The following CHD5 variants were observed in gnomAD, a reference collection of about 807,000 sequenced individuals.
CHD5 encodes chromodomain helicase DNA binding protein 5.
Under a neutral mutation model 230.3 loss-of-function variants are expected in CHD5, and 69 were observed. The ratio of observed to expected loss-of-function variants is 0.30; its 90% confidence interval spans 0.25 to 0.37. The LOEUF is 0.37. Among genes scored for constraint, CHD5 ranks in the 10% least tolerant of loss-of-function variants. The probability of loss-of-function intolerance (pLI) is 1.00; values close to 1 mark genes in which losing one functional copy is unlikely to be tolerated. For missense variants in CHD5, 1,827 were observed against 2,622.8 expected (o/e 0.70, Z 6.63); for synonymous variants, 1,064 against 1,065.9 (o/e 1.00, Z 0.03).
intron 2 of CHD5, among the ~76,000 whole-genome samples, chr1:6,166,669 C>G (rs1286600125): frequency 6.6e-6 from 1 of 152,022 alleles, no homozygotes; most frequent in Non-Finnish European, 1.5e-5. Context: ...AGGTAGAGTT[C>G]AGAGCCCCCC....
chr1:6,112,009 G>A (rs1038925317), intron 35 of CHD5, 126 bp from the exon 36 acceptor site: 3 of 1,376,580 alleles, frequency 2.2e-6, no homozygotes, highest in African/African-American at 2.8e-5. Context: ...GTTCCAGGGT[G>A]GCTAAGAAAG....
At position 6,109,913 on chromosome 1, in the gene CHD5, G is replaced by C; in HGVS notation, c.5460C>G (p.His1820Gln). The C allele has an allele frequency of 1.2e-6, 2 of 1,610,322 alleles. No individual in the cohort carries two copies. Among genetic ancestry groups the C allele is most frequent in the Non-Finnish European group, 1.7e-6 (2 of 1,178,466 alleles). Residue 1820 changes from histidine to glutamine, a missense_variant, in exon 38 of 42, where the codon CAC becomes CAG. His to Gln is a conservative substitution (Grantham distance 24). Around this residue, in one of 14 missense-constraint regions of CHD5, gnomAD observed 208 missense variants for 302.0 expected, o/e 0.69. Coordinates refer to ENST00000262450, the MANE Select transcript of CHD5 (RefSeq NM_015557.3). Reference sequence around the variant, plus strand: ...GGCGGGCGTTGAGGGCCATGGCGGGGTGGTTGGGGTCCTGCGTCATGTTCA... The same window carrying C: ...GGCGGGCGTTGAGGGCCATGGCGGGCTGGTTGGGGTCCTGCGTCATGTTCA... The part of the protein sequence containing the change: ...AYLNMTQDPN[H>Q]PAMALNARLA...
chr1:6,125,796 C>T lies in CHD5; in HGVS notation c.4141G>A (p.Glu1381Lys). The change falls in exon 27 of 42, where the codon GAG becomes AAG. Residue 1381 changes from glutamate (E) to lysine (K), a missense_variant. Glu to Lys is a moderately conservative substitution (Grantham distance 56, BLOSUM62 1). This residue lies in a region of CHD5 where 137 missense variants were observed against 272.7 expected (regional missense o/e 0.50). Coordinates refer to ENST00000262450, the MANE Select transcript of CHD5 (RefSeq NM_015557.3). The surrounding 1 kb of genome is among the most constrained non-coding windows in gnomAD (Gnocchi z 6.7). Reference sequence around the variant, plus strand: ...CCTTCCGGCCTCTCTTCAAAGTCCTCATCCTCATCCTCAGAGCCAATGGAA... The same window carrying T: ...CCTTCCGGCCTCTCTTCAAAGTCCTTATCCTCATCCTCAGAGCCAATGGAA... ...EYSIGSEDED[E>K]DFEERPEGQS... is the part of the protein sequence containing the mutation. 6.2e-7 allele frequency: 1 copy of T among 1,613,702 alleles called. No homozygotes were observed.
chr1:6,178,194 A>G (rs1005090572), intron 1 of CHD5, among the ~76,000 whole-genome samples: 1 of 151,942 alleles, frequency 6.6e-6, no homozygotes, highest in African/African-American at 2.4e-5. Flanking sequence ...CAACCCACCG[A>G]GGGGGAGCAC....
intron 2 of CHD5, among the ~76,000 whole-genome samples, chr1:6,166,297 G>A (rs1667253808): frequency 6.6e-6 from 1 of 151,468 alleles, no homozygotes; most frequent in Admixed American, 6.6e-5. Flanking sequence ...GGCTTGGAGT[G>A]GCAGCAGTGG....
intron 17 of CHD5, 48 bp downstream of exon 17, chr1:6,136,469 G>A (rs778722036): frequency 1.9e-6 from 3 of 1,604,350 alleles, no homozygotes; most frequent in South Asian, 1.1e-5. Context: ...CTTCACTGGG[G>A]CCACCCAGCC....
intron 11 of CHD5, among the ~76,000 whole-genome samples, chr1:6,145,219 A>G (rs1201602418): frequency 6.6e-6 from 1 of 152,218 alleles, no homozygotes; most frequent in African/African-American, 2.4e-5. Flanking sequence ...TCACCCGTGC[A>G]GCAGCCTGTT....
At chr1:6,148,495 T>C (rs949568143) in intron 9 of CHD5, among the ~76,000 whole-genome samples, 1 of 152,200 alleles carries the variant, frequency 6.6e-6, no homozygotes, top group Non-Finnish European at 1.5e-5. Context: ...GGGAGTAACA[T>C]GCCTGGTGCC....
intron 38 of CHD5, among the ~76,000 whole-genome samples, chr1:6,109,215 G>A (rs1301944602): frequency 6.6e-6 from 1 of 152,104 alleles, no homozygotes; most frequent in Non-Finnish European, 1.5e-5. Flanking sequence ...GCAGCCCCAG[G>A]CCCTACTGGG....
intron 1 of CHD5, among the ~76,000 whole-genome samples, chr1:6,177,833 G>A (rs952284203): frequency 1.3e-5 from 2 of 152,188 alleles, no homozygotes; most frequent in Non-Finnish European, 2.9e-5. Context: ...GAAGCAGCAA[G>A]GAGGCCAGCG....
chr1:6,121,664 C>T lies in CHD5; in HGVS notation c.4700-91G>A, dbSNP rs1666473706. 1.1e-6 allele frequency: 1 copy of T among 902,298 alleles called. No individual in the cohort carries two copies. The highest frequency in any genetic ancestry group is 1.7e-6 in the Non-Finnish European group (1 of 579,326). The allele number at this position is 902,298 out of a possible 1,614,324, so 55.9% of individuals were successfully genotyped here. ...GGGTGGCAGAGAGGAGAGATGGGGGCTTGGCCTTCGGGAGGCTCCACTGCA... is the reference window on the plus strand; with the variant it reads ...GGGTGGCAGAGAGGAGAGATGGGGGTTTGGCCTTCGGGAGGCTCCACTGCA... On this transcript the variant is annotated intron_variant, in intron 31 of 41. Transcript: ENST00000262450. The surrounding 1 kb of genome is among the most constrained non-coding windows in gnomAD (Gnocchi z 4.5).
Position 6,155,703 on chromosome 1 carries a change from C to G in CHD5, c.402G>C (p.Ser134=). The G allele has an allele frequency of 6.2e-7, 1 of 1,613,968 alleles. No homozygotes were observed. Among genetic ancestry groups the G allele is most frequent in the Non-Finnish European group, 8.5e-7 (1 of 1,179,916 alleles). The change falls in exon 4 of 42, where the codon TCG becomes TCC. Residue 134 remains serine, a synonymous_variant. Coordinates refer to ENST00000262450, the MANE Select transcript of CHD5 (RefSeq NM_015557.3). This position sits in a 1 kb window ranked among gnomAD's most constrained non-coding sequence, Gnocchi z 4.0. ...DDGCLKEPKS[S]GQLMAEWGLD... ...GGCCCCACTCGGCCATGAGCTGCCC[C>G]GAGGACTTGGGCTCCTACAGAGACC... is the stretch of plus-strand genomic sequence containing the variant.
intron 3 of CHD5, among the ~76,000 whole-genome samples, chr1:6,156,485 G>A (rs953607981): frequency 5.4e-5 from 8 of 147,810 alleles, no homozygotes; most frequent in African/African-American, 7.5e-5. Flanking sequence ...GCAGTGAGCC[G>A]AGATGGCGCC....
chr1:6,112,290 G>T lies in CHD5; in HGVS notation c.5003-13C>A. On this transcript the variant is annotated splice_polypyrimidine_tract_variant and intron_variant, in intron 34 of 41. Coordinates refer to ENST00000262450, the MANE Select transcript of CHD5 (RefSeq NM_015557.3). The stretch of plus-strand genomic sequence containing the variant: ...GCCTTGGTGTCATCTGCCGGGGACA[G>T]ATCACATTCATTCATCCATCCATCC... The T allele has an allele frequency of 6.2e-7, 1 of 1,610,538 alleles. No individual in the cohort carries two copies. Among genetic ancestry groups the T allele is most frequent in the South Asian group, 1.1e-5 (1 of 90,644 alleles).
chr1:6,148,768 TTGAGGAG>T, intron 9 of CHD5, 79 bp downstream of exon 9: 1 of 1,158,600 alleles, frequency 8.6e-7, no homozygotes, highest in South Asian at 2.1e-5. Context: ...GCGGGGCCTT[TTGAGGAG>T]GGCAGGCCTT....
rs2100869726 is a variant in CHD5, at chr1:6,155,814, A to G, written c.388-97T>C. The G allele has an allele frequency of 1.1e-6, 1 of 883,084 alleles. No individual in the cohort carries two copies. The highest frequency in any genetic ancestry group is 1.8e-6 in the Non-Finnish European group (1 of 544,742). The allele number at this position is 883,084 out of a possible 1,614,324, so 54.7% of individuals were successfully genotyped here. A position where few individuals can be genotyped will look rare whatever the true frequency, so the allele number is the denominator to read the frequency against. ...TGCCTAGGAGGCTTTGGCACAGGGG[A>G]AAGAGGAGGGGTTGTGTCTGCAATG... On this transcript the variant is annotated intron_variant, in intron 3 of 41. Coordinates refer to ENST00000262450, the MANE Select transcript of CHD5 (RefSeq NM_015557.3). This position sits in a 1 kb window ranked among gnomAD's most constrained non-coding sequence, Gnocchi z 4.0.
At position 6,105,840 on chromosome 1, in the gene CHD5, G is replaced by A. The variant is rs912964518; in HGVS notation, c.*46+394C>T. Among the ~76,000 whole-genome samples, 3 of 152,232 alleles carry A rather than the reference G, an allele frequency of 2.0e-5. No homozygotes were observed. The highest frequency in any genetic ancestry group is 4.8e-5 in the African/African-American group (2 of 41,454). On this transcript the variant is annotated intron_variant, in intron 41 of 41. Transcript: ENST00000262450. This position sits in a 1 kb window ranked among gnomAD's most constrained non-coding sequence, Gnocchi z 4.8. ...CTGGTCCTGGGCAGGAAGTGAGGGT[G>A]TAAGACAAGATGTGATGTCTGCCAC...
intron 33 of CHD5, among the ~76,000 whole-genome samples, chr1:6,116,072 T>G (rs1487955854): frequency 6.6e-6 from 1 of 152,228 alleles, no homozygotes; most frequent in African/African-American, 2.4e-5. Context: ...TGCTTTCTTC[T>G]TTAGAGCATT....
intron 17 of CHD5, 108 bp from the exon 18 acceptor site, chr1:6,135,511 C>A: frequency 2.1e-6 from 2 of 938,760 alleles, no homozygotes; most frequent in Non-Finnish European, 1.6e-6. Context: ...AACCAGGGAG[C>A]CCTGGCATTG....
Sources: gnomAD v4.1 joint callset for allele counts (sites outside exome capture counted in the v4.1 genomes callset) on GRCh38, gnomAD v4.1.1 for gene constraint, gnomAD v4.1.1 regional missense constraint, Gnocchi (gnomAD v3.1) non-coding constraint, MANE v1.5 for transcripts, NCBI Gene and HGNC (gene_info 2026-07-23, HGNC 2026-07-21) for gene names.